Variants in XKR9 observed in about 807,000 individuals in gnomAD.
The protein encoded by XKR9 is XK-related protein 9.
A neutral mutation model predicts 32.0 loss-of-function variants in XKR9; 32 were observed. That is an observed-to-expected ratio of 1.00 (90% CI 0.76 to 1.34). The LOEUF is 1.34. XKR9 is among the 40% of genes most tolerant of loss of function. The pLI, the probability that XKR9 is intolerant of heterozygous loss-of-function variation, is 0.00. For synonymous variants in XKR9, 168 were observed against 143.4 expected, an observed-to-expected ratio of 1.17 and a Z score of -1.22; for missense variants, 546 against 429.7, an observed-to-expected ratio of 1.27 and a Z score of -2.39.
chr8:70,932,107 T>C, the XKR9 span, among the ~76,000 whole-genome samples: 1 of 152,128 alleles, frequency 6.6e-6, no homozygotes, highest in African/African-American at 2.4e-5. Flanking sequence ...GTGTTAAGCA[T>C]AGAAGTAGAC....
the XKR9 span, among the ~76,000 whole-genome samples, chr8:70,947,978 G>C: frequency 3.9e-5 from 6 of 152,184 alleles, no homozygotes; most frequent in Admixed American, 3.9e-4. Context: ...GTTAATTGCT[G>C]TCTACTTGGG....
At chr8:70,716,791 T>G (rs1806108536) in intron 4 of XKR9, among the ~76,000 whole-genome samples, 1 of 152,138 alleles carries the variant, frequency 6.6e-6, no homozygotes. Flanking sequence ...AAATGTTAGC[T>G]CATCCCAGCT....
chr8:71,043,041 C>T, the XKR9 span, among the ~76,000 whole-genome samples: 4 of 152,148 alleles, frequency 2.6e-5, no homozygotes, highest in Admixed American at 2.0e-4. Context: ...CTGTTTAGAG[C>T]AAGAAACATA....
chr8:70,943,038 A>C, the XKR9 span, among the ~76,000 whole-genome samples: 2 of 149,330 alleles, frequency 1.3e-5, no homozygotes, highest in African/African-American at 4.9e-5. Context: ...ACAGCCTAAA[A>C]ATTTATGAAA....
the XKR9 span, among the ~76,000 whole-genome samples, chr8:71,003,812 T>C: frequency 6.6e-6 from 1 of 152,242 alleles, no homozygotes. Context: ...TGATATCTAC[T>C]GGTTCATTAG....
At chr8:70,871,733 G>C in the XKR9 span, among the ~76,000 whole-genome samples, 1 of 152,086 alleles carries the variant, frequency 6.6e-6, no homozygotes, top group Non-Finnish European at 1.5e-5. Flanking sequence ...TGGCCTATAA[G>C]TATTCAAATA....
chr8:70,701,826 A>G (rs928714454), intron 3 of XKR9, among the ~76,000 whole-genome samples: 2 of 152,114 alleles, frequency 1.3e-5, no homozygotes, highest in Admixed American at 1.3e-4. Context: ...GTGGAGTAGG[A>G]TGTTTCATTT....
the XKR9 span, among the ~76,000 whole-genome samples, chr8:70,887,272 A>T: frequency 1.5e-4 from 23 of 152,094 alleles, no homozygotes; most frequent in Middle Eastern, 6.8e-3. Flanking sequence ...GTTCTGTTCC[A>T]TTGGTCTATA....
chr8:70,739,483 G>T (rs1347963681), downstream of XKR9, among the ~76,000 whole-genome samples: 2 of 152,112 alleles, frequency 1.3e-5, no homozygotes, highest in East Asian at 3.9e-4. Flanking sequence ...AGTTAATATT[G>T]TTATGTGCGA....
intron 3 of XKR9, among the ~76,000 whole-genome samples, chr8:70,689,017 C>G (rs62530771): frequency 0.073 from 11,037 of 151,992 alleles, 475 homozygotes; most frequent in Non-Finnish European, 0.089. Context: ...AAAATGCGTG[C>G]TAATAAACAA....
At chr8:70,942,243 T>C in the XKR9 span, among the ~76,000 whole-genome samples, 1 of 152,142 alleles carries the variant, frequency 6.6e-6, no homozygotes, top group Non-Finnish European at 1.5e-5. Flanking sequence ...AGATAATTCC[T>C]TGTATCCTGG....
downstream of XKR9, among the ~76,000 whole-genome samples, chr8:70,790,854 C>T (rs1807755043): frequency 6.6e-6 from 1 of 152,018 alleles, no homozygotes; most frequent in Non-Finnish European, 1.5e-5. Flanking sequence ...AATCAAAGAT[C>T]AAGGTGCTGG....
the XKR9 span, among the ~76,000 whole-genome samples, chr8:70,857,476 G>T: frequency 6.6e-6 from 1 of 150,770 alleles, no homozygotes; most frequent in Non-Finnish European, 1.5e-5. Context: ...AAAGGCAATA[G>T]CCTACCAACC....
At chr8:70,754,919 T>C (rs1398920620) in intron 2 of XKR9, among the ~76,000 whole-genome samples, 43 of 152,276 alleles carry the variant, frequency 2.8e-4, no homozygotes, top group South Asian at 2.7e-3. Context: ...AATTGGGATC[T>C]AATTAAACTG....
chr8:70,814,000 T>G, the XKR9 span, among the ~76,000 whole-genome samples: 1 of 152,334 alleles, frequency 6.6e-6, no homozygotes, highest in East Asian at 1.9e-4. Context: ...ATACGTATGT[T>G]TATTGCGGCA....
At chr8:70,847,084 T>C in the XKR9 span, among the ~76,000 whole-genome samples, 2 of 152,040 alleles carry the variant, frequency 1.3e-5, no homozygotes, top group South Asian at 2.1e-4. Context: ...GTAGATCATA[T>C]GTTAGGACAC....
chr8:70,687,817 T>G (rs74620620), intron 3 of XKR9, among the ~76,000 whole-genome samples: 4,934 of 152,332 alleles, frequency 0.032, 271 homozygotes, highest in African/African-American at 0.11. Flanking sequence ...TAACATACTC[T>G]TATGATTTCA....
chr8:70,836,485 T>A, the XKR9 span, among the ~76,000 whole-genome samples: 2 of 152,054 alleles, frequency 1.3e-5, no homozygotes, highest in Non-Finnish European at 2.9e-5. Flanking sequence ...TATTTTTGGG[T>A]CTCATCAGTG....
chr8:70,672,252 G>A (rs561057191), intron 1 of XKR9, among the ~76,000 whole-genome samples: 5 of 79,404 alleles, frequency 6.3e-5, no homozygotes, highest in South Asian at 3.2e-4. Context: ...AAAAGAGCCC[G>A]CATTGCCAAG....
Sources: allele counts gnomAD v4.1 joint callset (sites outside exome capture counted in the v4.1 genomes callset), GRCh38; gene constraint gnomAD v4.1.1; transcripts MANE v1.5; gene names NCBI Gene and HGNC (gene_info 2026-07-23, HGNC 2026-07-21).